KALRN: variants seen among roughly 807,000 people sequenced by gnomAD.
KALRN encodes the protein kalirin RhoGEF kinase.
Under a neutral mutation model 353.7 loss-of-function variants are expected in KALRN, and 70 were observed. That is an observed-to-expected ratio of 0.20 (90% CI 0.16 to 0.24). KALRN has a LOEUF of 0.24. KALRN is among the 10% of genes least tolerant of loss of function. The pLI is 1.00. For missense variants in KALRN, 2,791 were observed against 3,756.7 expected (o/e 0.74, Z 6.72); for synonymous variants, 1,391 against 1,434.8 (o/e 0.97, Z 0.69).
At chr3:124,504,967 T>C in intron 33 of KALRN, 1 of 497,398 alleles carries the variant, frequency 2.0e-6, no homozygotes, top group East Asian at 6.0e-5. Flanking sequence ...ACACTTGCAG[T>C]TCTGCCAGGG....
chr3:124,176,269 A>T (rs764181851), intron 1 of KALRN, among the ~76,000 whole-genome samples: 2 of 152,170 alleles, frequency 1.3e-5, no homozygotes, highest in Non-Finnish European at 2.9e-5. Context: ...GGATGACTGG[A>T]GTTCCCAGGG....
Position 124,243,046 on chromosome 3 carries a change from G to A in KALRN, c.263+8103G>A, listed in dbSNP as rs117019942. Among the ~76,000 whole-genome samples, 115 of 152,284 alleles carry A rather than the reference G, an allele frequency of 7.6e-4. No individual in the cohort carries two copies. In the East Asian group the frequency reaches 7.9e-3, roughly 10 times the overall value. ...CTACATTGGTGGGGTAGTCTCTATC[G>A]TATTCTAGCGATGATCATCTTGTTC... is the stretch of plus-strand genomic sequence containing the variant. On this transcript the variant is annotated intron_variant, in intron 3 of 59. Transcript: ENST00000682506.
At chr3:124,317,448 A>G (rs1341501918) in intron 6 of KALRN, among the ~76,000 whole-genome samples, 1 of 152,188 alleles carries the variant, frequency 6.6e-6, no homozygotes, top group East Asian at 1.9e-4. Context: ...CATTTTAAGC[A>G]CATTTGGCAT....
chr3:124,410,764 T>C (rs2092081981), intron 13 of KALRN, among the ~76,000 whole-genome samples: 1 of 152,184 alleles, frequency 6.6e-6, no homozygotes, highest in African/African-American at 2.4e-5. Context: ...AATATTACAA[T>C]CATTTTGAGG....
At chr3:124,579,112 T>C (rs2074399460) in intron 34 of KALRN, among the ~76,000 whole-genome samples, 1 of 152,092 alleles carries the variant, frequency 6.6e-6, no homozygotes, top group African/African-American at 2.4e-5. Flanking sequence ...GAAAAAAAAA[T>C]GGCATATGTC....
chr3:124,672,427 T>A (rs1336954953), intron 48 of KALRN, among the ~76,000 whole-genome samples: 1 of 152,204 alleles, frequency 6.6e-6, no homozygotes, highest in South Asian at 2.1e-4. Context: ...TCAGTGTGGA[T>A]CATCGTCATC....
intron 1 of KALRN, among the ~76,000 whole-genome samples, chr3:124,133,600 C>T (rs111703990): frequency 0.018 from 2,680 of 152,296 alleles, 32 homozygotes; most frequent in Non-Finnish European, 0.027. Flanking sequence ...ACTCCTGTGC[C>T]TTATGGGGAG....
chr3:124,453,663 T>C (rs1303802813), intron 21 of KALRN, among the ~76,000 whole-genome samples: 4 of 152,216 alleles, frequency 2.6e-5, no homozygotes. Flanking sequence ...AGATAATTTT[T>C]CTTCTTAGAA....
chr3:124,619,018 T>C (rs146509979), intron 34 of KALRN, among the ~76,000 whole-genome samples: 1 of 152,318 alleles, frequency 6.6e-6, no homozygotes, highest in African/African-American at 2.4e-5. Context: ...AGGATACATA[T>C]AAATAGTTAT....
In KALRN at chr3:124,089,391, T is replaced by C. The variant is rs1230526861; in HGVS notation, c.73+55578T>C. ...GCAACTTAGCTTCCTGATTCTCTGA[T>C]GGTGACCTCAGGGACTGAGAGATGT... On this transcript the variant is annotated intron_variant, in intron 1 of 59. Transcript: ENST00000682506. Among the ~76,000 whole-genome samples the C allele has an allele frequency of 9.9e-5, 15 of 152,144 alleles. 1 individual carries two copies. Among genetic ancestry groups the C allele is most frequent in the Admixed American group, 7.2e-4 (11 of 15,278 alleles).
chr3:124,225,814 G>A (rs1280162751), intron 1 of KALRN, among the ~76,000 whole-genome samples: 1 of 152,104 alleles, frequency 6.6e-6, no homozygotes, highest in Non-Finnish European at 1.5e-5. Flanking sequence ...ACACAGTAGA[G>A]GACAAGAGGG....
chr3:124,251,582 G>A (rs1010419809), intron 3 of KALRN, among the ~76,000 whole-genome samples: 4 of 152,074 alleles, frequency 2.6e-5, no homozygotes, highest in Non-Finnish European at 4.4e-5. Flanking sequence ...TCTTGCCCAG[G>A]CTGGTCTCGA....
chr3:124,606,917 C>CA (rs2077407934), intron 34 of KALRN, among the ~76,000 whole-genome samples: 1 of 152,218 alleles, frequency 6.6e-6, no homozygotes, highest in Admixed American at 6.5e-5. Flanking sequence ...GATTATGTTT[C>CA]ACCCTTCAGA....
chr3:124,571,317 A>C (rs1411241184), intron 34 of KALRN, among the ~76,000 whole-genome samples: 5 of 152,238 alleles, frequency 3.3e-5, no homozygotes, highest in Non-Finnish European at 7.3e-5. Flanking sequence ...TTTATGGATT[A>C]ATAGTCCTTT....
At chr3:124,221,167 A>G (rs974823857) in intron 1 of KALRN, among the ~76,000 whole-genome samples, 6 of 152,178 alleles carry the variant, frequency 3.9e-5, no homozygotes, top group Non-Finnish European at 8.8e-5. Context: ...CTGTTCATTG[A>G]GTAAAACCCC....
chr3:124,708,607 T>C (rs1234030979), intron 57 of KALRN, among the ~76,000 whole-genome samples: 1 of 152,078 alleles, frequency 6.6e-6, no homozygotes, highest in Non-Finnish European at 1.5e-5. Flanking sequence ...GTTTTACAAA[T>C]ATTAGACGTA....
intron 10 of KALRN, among the ~76,000 whole-genome samples, chr3:124,381,650 T>C (rs1422688391): frequency 6.6e-6 from 1 of 152,200 alleles, no homozygotes; most frequent in Non-Finnish European, 1.5e-5. Flanking sequence ...CCAACCTGAT[T>C]TTTTGCCACT....
chr3:124,381,552 C>A (rs1284983941), intron 10 of KALRN, among the ~76,000 whole-genome samples: 1 of 152,170 alleles, frequency 6.6e-6, no homozygotes, highest in Non-Finnish European at 1.5e-5. Flanking sequence ...GAGGGCCCAG[C>A]TTTAACACTG....
intron 21 of KALRN, among the ~76,000 whole-genome samples, chr3:124,452,846 A>G (rs572260249): frequency 1.3e-5 from 2 of 152,240 alleles, no homozygotes; most frequent in South Asian, 4.2e-4. Context: ...TTAAGATATA[A>G]TTTTCTCTGG....
Sources: gnomAD v4.1 joint callset for allele counts (sites outside exome capture counted in the v4.1 genomes callset) on GRCh38, gnomAD v4.1.1 for gene constraint, MANE v1.5 for transcripts, NCBI Gene and HGNC (gene_info 2026-07-23, HGNC 2026-07-21) for gene names.